Variants in S100Z observed in about 807,000 individuals in gnomAD.
S100Z encodes the protein S100 calcium binding protein Z.
S100Z carries 11 observed loss-of-function variants against 8.5 expected under a neutral mutation model. That is an observed-to-expected ratio of 1.30 (90% CI 0.82 to 2.15). The LOEUF (loss-of-function observed/expected upper bound fraction) is 2.15, where lower values mean the gene tolerates loss of function less well. Among genes scored for constraint, S100Z ranks in the 30% most tolerant of loss-of-function variants. The probability of loss-of-function intolerance (pLI) is 0.00; values close to 1 mark genes in which losing one functional copy is unlikely to be tolerated. For missense variants in S100Z, 126 were observed against 117.9 expected (o/e 1.07, Z -0.32); for synonymous variants, 34 against 43.8 (o/e 0.78, Z 0.89).
intron 4 of S100Z, among the ~76,000 whole-genome samples, chr5:76,879,981 TG>T (rs1743336989): frequency 6.6e-6 from 1 of 152,160 alleles, no homozygotes; most frequent in Non-Finnish European, 1.5e-5. Flanking sequence ...TGGGTGCAGG[TG>T]GGCTGAGTCC....
chr5:76,870,476 C>T (rs766056165), intron 2 of S100Z, among the ~76,000 whole-genome samples, 192 bp downstream of exon 2: 6 of 151,912 alleles, frequency 3.9e-5, no homozygotes, highest in African/African-American at 9.7e-5. Flanking sequence ...GTAGAAGCTG[C>T]GGGTGGAGCT....
At chr5:76,907,590 A>C (rs907834675) in intron 4 of S100Z, among the ~76,000 whole-genome samples, 3 of 152,256 alleles carry the variant, frequency 2.0e-5, no homozygotes, top group Admixed American at 1.3e-4. Context: ...GGCATGAGCC[A>C]CTGCGCCCAG....
At chr5:76,862,439 G>A (rs532638499) in intron 1 of S100Z, among the ~76,000 whole-genome samples, 1 of 152,078 alleles carries the variant, frequency 6.6e-6, no homozygotes, top group Non-Finnish European at 1.5e-5. Context: ...CCTTCATAGG[G>A]TGTAGCCAAT....
intron 1 of S100Z, among the ~76,000 whole-genome samples, chr5:76,853,911 T>C (rs898592526): frequency 6.6e-6 from 1 of 152,244 alleles, no homozygotes; most frequent in South Asian, 2.1e-4. Flanking sequence ...CCCTTGGTGC[T>C]GTTCTCATGA....
At chr5:76,881,200 G>A (rs1238748693) in intron 4 of S100Z, among the ~76,000 whole-genome samples, 2 of 152,314 alleles carry the variant, frequency 1.3e-5, no homozygotes, top group East Asian at 1.9e-4. Context: ...CCAAGAGCCT[G>A]AGAAACTGCT....
chr5:76,886,041 GGGTGGGGA>G (rs1743616722), intron 4 of S100Z, among the ~76,000 whole-genome samples: 1 of 151,324 alleles, frequency 6.6e-6, no homozygotes, highest in Non-Finnish European at 1.5e-5. Context: ...CGGAGAGAAG[GGGTGGGGA>G]GTGCTTGCCC....
chr5:76,871,509 A>C (rs1370931736), intron 2 of S100Z, among the ~76,000 whole-genome samples: 1 of 147,360 alleles, frequency 6.8e-6, no homozygotes, highest in Admixed American at 6.9e-5. Flanking sequence ...ACAAATTGCC[A>C]ATCAGAAACT....
intron 3 of S100Z, 60 bp downstream of exon 3, chr5:76,875,560 G>A (rs1316239816): frequency 1.3e-6 from 2 of 1,489,014 alleles, no homozygotes; most frequent in East Asian, 4.6e-5. Context: ...GCAGATTCCA[G>A]GACAGCCTTT....
the S100Z span, among the ~76,000 whole-genome samples, chr5:76,951,085 G>A: frequency 1.3e-5 from 2 of 151,820 alleles, no homozygotes; most frequent in Non-Finnish European, 1.5e-5. Context: ...CCAAACTGGT[G>A]AAAACTACAC....
chr5:76,875,512 C>T lies in S100Z; in HGVS notation c.141+12C>T. ...CGGAATTCCTCTCGGTGAGTCAGGC[C>T]TTTGTAAATGCTGTATTCATTTGAG... is the stretch of plus-strand genomic sequence containing the variant. On this transcript the variant is annotated intron_variant, in intron 3 of 4. Coordinates refer to ENST00000317593, the MANE Select transcript of S100Z (RefSeq NM_130772.4). 2 of 1,598,136 alleles carry T rather than the reference C, an allele frequency of 1.3e-6. No individual in the cohort carries two copies. The highest frequency in any genetic ancestry group is 1.7e-6 in the Non-Finnish European group (2 of 1,173,716).
chr5:76,862,172 G>A (rs1212224900), intron 1 of S100Z, among the ~76,000 whole-genome samples: 2 of 148,516 alleles, frequency 1.3e-5, no homozygotes, highest in Non-Finnish European at 3.0e-5. Flanking sequence ...TTATTAGGTA[G>A]AATTTCAAAT....
chr5:76,865,598 A>C, intron 1 of S100Z, among the ~76,000 whole-genome samples: 2 of 152,100 alleles, frequency 1.3e-5, no homozygotes, highest in Middle Eastern at 6.8e-3. Flanking sequence ...AAAAATTAAA[A>C]ATAGAAAAAA....
chr5:76,886,476 C>T (rs1290250715), intron 4 of S100Z, among the ~76,000 whole-genome samples: 1 of 152,134 alleles, frequency 6.6e-6, no homozygotes, highest in Non-Finnish European at 1.5e-5. Flanking sequence ...GTTCCTTGGG[C>T]TGGTTGGTCT....
chr5:76,952,363 G>C, the S100Z span, among the ~76,000 whole-genome samples: 1 of 152,210 alleles, frequency 6.6e-6, no homozygotes, highest in Admixed American at 6.5e-5. Flanking sequence ...TAAACATCCA[G>C]GTCAAGTGAC....
the S100Z span, among the ~76,000 whole-genome samples, chr5:76,933,859 A>G: frequency 6.6e-6 from 1 of 152,152 alleles, no homozygotes; most frequent in Non-Finnish European, 1.5e-5. Context: ...CCAAACAAAA[A>G]CTTTGTACCC....
intron 4 of S100Z, among the ~76,000 whole-genome samples, chr5:76,909,236 C>T (rs1471606333): frequency 6.6e-6 from 1 of 152,044 alleles, no homozygotes; most frequent in Non-Finnish European, 1.5e-5. Flanking sequence ...AGATGGGAAA[C>T]ACTCAGGCAT....
In S100Z at chr5:76,917,461, T is replaced by A. The variant is rs572659321; in HGVS notation, c.*3-3256T>A. On this transcript the variant is annotated intron_variant, in intron 4 of 4. Coordinates refer to ENST00000317593, the MANE Select transcript of S100Z (RefSeq NM_130772.4). ...ACACAGTTTCATGATCACACACAAG[T>A]TTAAGAATGTCAGAAAAGAGACTGA... Among the ~76,000 whole-genome samples the A allele has an allele frequency of 4.6e-5, 7 of 152,138 alleles. No individual in the cohort carries two copies. In the South Asian group the frequency reaches 1.5e-3, roughly 32 times the overall value.
At chr5:76,935,334 A>T in the S100Z span, among the ~76,000 whole-genome samples, 1 of 152,230 alleles carries the variant, frequency 6.6e-6, no homozygotes, top group Non-Finnish European at 1.5e-5. Flanking sequence ...AGAGCAGGTG[A>T]CAATATGGAA....
chr5:76,867,706 C>T (rs1404478163), intron 1 of S100Z, among the ~76,000 whole-genome samples: 1 of 151,450 alleles, frequency 6.6e-6, no homozygotes, highest in African/African-American at 2.4e-5. Flanking sequence ...CTCAGCCTCT[C>T]GAGTAGCTGG....
Sources: allele counts gnomAD v4.1 joint callset (sites outside exome capture counted in the v4.1 genomes callset), GRCh38; gene constraint gnomAD v4.1.1; transcripts MANE v1.5; gene names NCBI Gene and HGNC (gene_info 2026-07-23, HGNC 2026-07-21).